Variants in ANAPC1 observed in about 807,000 individuals in gnomAD.
The protein encoded by ANAPC1 is anaphase-promoting complex subunit 1.
A neutral mutation model predicts 208.0 loss-of-function variants in ANAPC1; 36 were observed. That is an observed-to-expected ratio of 0.17 (90% CI 0.13 to 0.23). The LOEUF (loss-of-function observed/expected upper bound fraction) is 0.23, where lower values mean the gene tolerates loss of function less well. Ranked by LOEUF, ANAPC1 falls within the 10% of genes least tolerant of loss-of-function variation. ANAPC1 has a pLI of 1.00. For missense variants in ANAPC1, 942 were observed against 2,011.6 expected, an observed-to-expected ratio of 0.47 and a Z score of 10.17; for synonymous variants, 378 against 695.2, an observed-to-expected ratio of 0.54 and a Z score of 7.18.
chr2:111,781,784 A>G (rs1307785682), intron 43 of ANAPC1, among the ~76,000 whole-genome samples: 9 of 152,410 alleles, frequency 5.9e-5, no homozygotes, highest in Admixed American at 1.3e-4. Flanking sequence ...AAGAATATAG[A>G]GCAAAATATG....
At position 111,815,367 on chromosome 2, in the gene ANAPC1, C is replaced by T. The variant is rs1361370620; in HGVS notation, c.3597+3G>A. 4.9e-6 allele frequency: 1 copy of T among 203,680 alleles called. No homozygotes were observed. The highest frequency in any genetic ancestry group is 6.4e-5 in the African/African-American group (1 of 15,652). The allele number at this position is 203,680 out of a possible 1,614,324, so 12.6% of individuals were successfully genotyped here. ...AGCCAGGCACTGGGAGCACAGGTCTCACCTTGGTCAAGTAGTCATGGATAT... is the reference window on the plus strand; with the variant it reads ...AGCCAGGCACTGGGAGCACAGGTCTTACCTTGGTCAAGTAGTCATGGATAT... On this transcript the variant is annotated splice_donor_region_variant and intron_variant, in intron 28 of 47. Coordinates refer to ENST00000341068, the MANE Select transcript of ANAPC1 (RefSeq NM_022662.4).
intron 7 of ANAPC1, among the ~76,000 whole-genome samples, chr2:111,867,235 A>C (rs1400896354): frequency 6.6e-6 from 1 of 151,988 alleles, no homozygotes; most frequent in Non-Finnish European, 1.5e-5. Flanking sequence ...GGTTGCAGTG[A>C]GCCGAGATCG....
At chr2:111,845,005 C>G (rs1680978973) in intron 16 of ANAPC1, among the ~76,000 whole-genome samples, 1 of 152,152 alleles carries the variant, frequency 6.6e-6, no homozygotes. Flanking sequence ...GCCAGCATGC[C>G]TGGCTAATTT....
intron 13 of ANAPC1, among the ~76,000 whole-genome samples, chr2:111,855,866 A>G (rs1430320540): frequency 6.6e-6 from 1 of 152,170 alleles, no homozygotes; most frequent in African/African-American, 2.4e-5. Context: ...TTATTATTCA[A>G]ATTGTATGTA....
chr2:111,858,820 C>G (rs1341909516), intron 10 of ANAPC1, among the ~76,000 whole-genome samples: 1 of 142,344 alleles, frequency 7.0e-6, no homozygotes, highest in Non-Finnish European at 1.5e-5. Context: ...AATCTAAAAA[C>G]TACTTAGGTC....
intron 16 of ANAPC1, among the ~76,000 whole-genome samples, chr2:111,846,534 C>CATATATAT (rs1158119946): frequency 5.1e-4 from 35 of 68,340 alleles, no homozygotes; most frequent in African/African-American, 2.2e-3. Flanking sequence ...TATACATATA[C>CATATATAT]ATATATATAT....
chr2:111,827,350 C>T (rs1324019592), intron 21 of ANAPC1, among the ~76,000 whole-genome samples: 2 of 152,100 alleles, frequency 1.3e-5, no homozygotes, highest in Admixed American at 1.3e-4. Flanking sequence ...ACATAAAGTT[C>T]CTTGAAGACA....
At chr2:111,846,553 ATATATATTTTTTTTTTTTTT>A (rs1681086648) in intron 16 of ANAPC1, among the ~76,000 whole-genome samples, 1 of 63,632 alleles carries the variant, frequency 1.6e-5, no homozygotes, top group Non-Finnish European at 3.0e-5. Flanking sequence ...ATATATATAT[ATATATATTTTTTTTTTTTTT>A]TTTTTTTTTT....
chr2:111,807,768 T>C (rs1445898498), intron 29 of ANAPC1, among the ~76,000 whole-genome samples: 1 of 151,736 alleles, frequency 6.6e-6, no homozygotes, highest in African/African-American at 2.4e-5. Flanking sequence ...AAAGATGAAA[T>C]CTTCTATATA....
intron 10 of ANAPC1, among the ~76,000 whole-genome samples, chr2:111,858,864 G>C (rs1344179499): frequency 1.3e-5 from 2 of 151,174 alleles, no homozygotes; most frequent in East Asian, 3.9e-4. Context: ...ACATTTCTAA[G>C]AATTAAACTT....
At chr2:111,864,395 A>G (rs1295182156) in intron 8 of ANAPC1, among the ~76,000 whole-genome samples, 2 of 75,614 alleles carry the variant, frequency 2.6e-5, no homozygotes, top group Non-Finnish European at 5.0e-5. Context: ...TTCACAAGTG[A>G]TTTTTCCAAA....
chr2:111,848,425 C>T (rs1368852483), intron 14 of ANAPC1, among the ~76,000 whole-genome samples: 1 of 151,092 alleles, frequency 6.6e-6, no homozygotes, highest in Non-Finnish European at 1.5e-5. Flanking sequence ...CAAGGAAAGT[C>T]ATAGCTAAGA....
chr2:111,829,211 C>G (rs936196212), intron 21 of ANAPC1, among the ~76,000 whole-genome samples: 1 of 152,026 alleles, frequency 6.6e-6, no homozygotes, highest in African/African-American at 2.4e-5. Flanking sequence ...GACTCCGTCT[C>G]AAGAAACAAT....
intron 7 of ANAPC1, among the ~76,000 whole-genome samples, chr2:111,866,753 T>TCCAGAGTCCAG (rs1682441518): frequency 9.3e-6 from 1 of 108,074 alleles, no homozygotes; most frequent in Non-Finnish European, 1.9e-5. Context: ...ATAAAACGAC[T>TCCAGAGTCCAG]AAAAACAGAC....
Position 111,884,156 on chromosome 2 carries a change from A to G in ANAPC1, c.-239T>C, listed in dbSNP as rs1393629536. Reference sequence around the variant, plus strand: ...GCAGGAAGGCGTGCGAGACGTTCAAATGGACGCGTCCATCTTGACTTTCCC... The same window carrying G: ...GCAGGAAGGCGTGCGAGACGTTCAAGTGGACGCGTCCATCTTGACTTTCCC... On this transcript the variant is annotated 5_prime_UTR_variant, in exon 1 of 48. Transcript: ENST00000341068. 2.6e-5 allele frequency: 4 copies of G among 152,268 alleles called. No homozygotes were observed. The highest frequency in any genetic ancestry group is 1.9e-4 in the East Asian group (1 of 5,192). The allele number at this position is 152,268 out of a possible 1,614,324, so 9.4% of individuals were successfully genotyped here. A position where few individuals can be genotyped will look rare whatever the true frequency, so the allele number is the denominator to read the frequency against.
At chr2:111,807,810 A>G (rs1328583029) in intron 29 of ANAPC1, among the ~76,000 whole-genome samples, 1 of 151,040 alleles carries the variant, frequency 6.6e-6, no homozygotes, top group African/African-American at 2.4e-5. Context: ...CAGCTGTGAG[A>G]CTGTGCAATG....
chr2:111,835,306 C>T (rs368689087), intron 18 of ANAPC1, among the ~76,000 whole-genome samples: 16 of 152,082 alleles, frequency 1.1e-4, no homozygotes, highest in Admixed American at 9.2e-4. Flanking sequence ...TATAAGATGC[C>T]GGGGCTAGTA....
At chr2:111,825,109 G>A in intron 23 of ANAPC1, 22 bp downstream of exon 23, 1 of 1,613,840 alleles carries the variant, frequency 6.2e-7, no homozygotes, top group Middle Eastern at 1.7e-4. Context: ...TGACATAAAA[G>A]CACAGTCTAA....
chr2:111,795,124 C>T, intron 34 of ANAPC1: 1 of 334,118 alleles, frequency 3.0e-6, no homozygotes, highest in Non-Finnish European at 5.8e-6. Flanking sequence ...TGGCTCACGA[C>T]TGTAATCCCA....
Sources: gnomAD v4.1 joint callset for allele counts (sites outside exome capture counted in the v4.1 genomes callset) on GRCh38, gnomAD v4.1.1 for gene constraint, MANE v1.5 for transcripts, NCBI Gene and HGNC (gene_info 2026-07-23, HGNC 2026-07-21) for gene names.